The following LRRC41 variants were observed in gnomAD, a reference collection of about 807,000 sequenced individuals.
LRRC41 encodes the protein leucine rich repeat containing 41.
A neutral mutation model predicts 72.1 loss-of-function variants in LRRC41; 17 were observed. That is an observed-to-expected ratio of 0.24 (90% CI 0.16 to 0.35). The LOEUF (loss-of-function observed/expected upper bound fraction) is 0.35, where lower values mean the gene tolerates loss of function less well. Ranked by LOEUF, LRRC41 falls within the 10% of genes least tolerant of loss-of-function variation. The pLI is 1.00. For missense variants in LRRC41, 759 were observed against 1,065.0 expected (o/e 0.71, Z 4.00); for synonymous variants, 427 against 431.0 (o/e 0.99, Z 0.11).
At position 46,297,993 on chromosome 1, in the gene LRRC41, G is replaced by A. The variant is rs369519463; in HGVS notation, c.286+291C>T. Among the ~76,000 whole-genome samples the A allele has an allele frequency of 1.1e-4, 17 of 152,128 alleles. 1 individual carries two copies. Among genetic ancestry groups the A allele is most frequent in the Admixed American group, 9.2e-4 (14 of 15,264 alleles). The stretch of plus-strand genomic sequence containing the variant: ...CTGTTAACAGATGTGTCTAATGAGG[G>A]GAGGAAGCTTGGTAAAATAGAGAAA... On this transcript the variant is annotated intron_variant, in intron 2 of 9. Coordinates refer to ENST00000617190, the MANE Select transcript of LRRC41 (RefSeq NM_006369.5).
At position 46,292,481 on chromosome 1, in the gene LRRC41, T is replaced by C. The variant is rs893033701; in HGVS notation, c.357+5082A>G. 5.3e-5 allele frequency among the ~76,000 whole-genome samples: 8 copies of C among 152,298 alleles called. No homozygotes were observed. In the East Asian group the frequency reaches 1.2e-3, roughly 22 times the overall value. Reference sequence around the variant, plus strand: ...ACAATTTCTGTTCCCTCCAATAGCATAGTAAAATGCAAATTTCGCCATGGC... The same window carrying C: ...ACAATTTCTGTTCCCTCCAATAGCACAGTAAAATGCAAATTTCGCCATGGC... On this transcript the variant is annotated intron_variant, in intron 3 of 9. Coordinates refer to ENST00000617190, the MANE Select transcript of LRRC41 (RefSeq NM_006369.5).
chr1:46,293,621 G>A (rs750852626), intron 3 of LRRC41, among the ~76,000 whole-genome samples: 10 of 152,138 alleles, frequency 6.6e-5, no homozygotes, highest in Non-Finnish European at 1.3e-4. Context: ...CCAGGCTGGA[G>A]TGCAATGGAG....
Position 46,285,635 on chromosome 1 carries a change from C to A in LRRC41, c.1222G>T (p.Ala408Ser). The A allele has an allele frequency of 6.2e-7, 1 of 1,614,182 alleles. No homozygotes were observed. Among genetic ancestry groups the A allele is most frequent in the Non-Finnish European group, 8.5e-7 (1 of 1,180,034 alleles). Residue 408 changes from alanine to serine, a missense_variant, in exon 4 of 10, where the codon GCA becomes TCA. Physicochemically the swap from Ala to Ser is moderately conservative, Grantham distance 99. Around this residue, in one of 4 missense-constraint regions of LRRC41, gnomAD observed 427 missense variants for 520.9 expected, o/e 0.82. Transcript: ENST00000617190. This position sits in a 1 kb window ranked among gnomAD's most constrained non-coding sequence, Gnocchi z 5.3. ...AAGTCATACAGGTCTTCAGACTCTG[C>A]ACCAGGCCCCTGACGGGTGCGAGCA... Reference protein sequence around the residue: ...KGARTRQGPGAESEDLYDFVF... With the variant: ...KGARTRQGPGSESEDLYDFVF...
Position 46,278,101 on chromosome 1 carries a change from G to T in LRRC41, c.*764C>A. The T allele has an allele frequency of 6.2e-7, 1 of 1,613,964 alleles. No homozygotes were observed. Among genetic ancestry groups the T allele is most frequent in the South Asian group, 1.1e-5 (1 of 91,020 alleles). ...CACTGCCGACGTTGTGTCAACAGCC[G>T]TCAGATCCGGCCACCCCCTGATGGT... On this transcript the variant is annotated 3_prime_UTR_variant, in exon 10 of 10. Coordinates refer to ENST00000617190, the MANE Select transcript of LRRC41 (RefSeq NM_006369.5).
intron 3 of LRRC41, among the ~76,000 whole-genome samples, chr1:46,287,437 C>T (rs1467313189): frequency 3.3e-5 from 5 of 152,116 alleles, no homozygotes; most frequent in Admixed American, 2.6e-4. Context: ...CACCACCAGC[C>T]CCTTATCACC....
In LRRC41 at chr1:46,286,310, G is replaced by T; in HGVS notation, c.547C>A (p.Pro183Thr). The change falls in exon 4 of 10, where the codon CCC becomes ACC. Residue 183 changes from proline (P) to threonine (T), a missense_variant. Physicochemically the swap from Pro to Thr is conservative, Grantham distance 38. Transcript: ENST00000617190. The surrounding 1 kb of genome is among the most constrained non-coding windows in gnomAD (Gnocchi z 5.5). ...LQGATELVAE[P>T]NRRVLETLAS... ...AGGGTCTCCAGAACCCTGCGGTTGG[G>T]CTCAGCCACCAGCTCGGTTGCACCC... 1 of 1,614,210 alleles carries T rather than the reference G, an allele frequency of 6.2e-7. No individual in the cohort carries two copies. Among genetic ancestry groups the T allele is most frequent in the African/African-American group, 1.3e-5 (1 of 75,052 alleles).
intron 3 of LRRC41, among the ~76,000 whole-genome samples, chr1:46,289,153 G>A (rs1348155366): frequency 5.9e-5 from 9 of 152,204 alleles, no homozygotes; most frequent in Non-Finnish European, 1.0e-4. Context: ...GACAATGGGA[G>A]ACAGAATATT....
chr1:46,277,630 T>C lies in LRRC41; in HGVS notation c.*1235A>G. 1 of 684,672 alleles carries C rather than the reference T, an allele frequency of 1.5e-6. No individual in the cohort carries two copies. The highest frequency in any genetic ancestry group is 2.5e-6 in the Non-Finnish European group (1 of 403,132). The allele number at this position is 684,672 out of a possible 1,614,324, so 42.4% of individuals were successfully genotyped here. A position where few individuals can be genotyped will look rare whatever the true frequency, so the allele number is the denominator to read the frequency against. On this transcript the variant is annotated 3_prime_UTR_variant, in exon 10 of 10. Coordinates refer to ENST00000617190, the MANE Select transcript of LRRC41 (RefSeq NM_006369.5). ...CTGGGTGGGCAGACTATTCATGTCA[T>C]GTTCTCAGGAGACAGACTGGGAAAA... is the stretch of plus-strand genomic sequence containing the variant.
In LRRC41 at chr1:46,303,477, G is replaced by T. The variant is rs1252844142; in HGVS notation, c.-155C>A. The T allele has an allele frequency of 5.0e-6, 4 of 803,900 alleles. No homozygotes were observed. Among genetic ancestry groups the T allele is most frequent in the Admixed American group, 3.0e-5 (1 of 33,662 alleles). The allele number at this position is 803,900 out of a possible 1,614,324, so 49.8% of individuals were successfully genotyped here. A position where few individuals can be genotyped will look rare whatever the true frequency, so the allele number is the denominator to read the frequency against. On this transcript the variant is annotated 5_prime_UTR_variant, in exon 1 of 10. Transcript: ENST00000617190. The stretch of plus-strand genomic sequence containing the variant: ...AGCACACTTTCCAAGTCTCTTAGGA[G>T]CTACTATTTTAGATAAACTCCTAGA...
chr1:46,288,262 G>A (rs1660925583), intron 3 of LRRC41, among the ~76,000 whole-genome samples: 1 of 152,076 alleles, frequency 6.6e-6, no homozygotes, highest in African/African-American at 2.4e-5. Flanking sequence ...AATTTAAGAT[G>A]ATCCCTAAGT....
At chr1:46,280,312 T>G in intron 6 of LRRC41, 22 bp from the exon 7 acceptor site, 1 of 1,612,274 alleles carries the variant, frequency 6.2e-7, no homozygotes, top group South Asian at 1.1e-5. Context: ...GCAGAGACCA[T>G]GGACCATGGA....
chr1:46,283,285 T>C (rs936340670), intron 4 of LRRC41, among the ~76,000 whole-genome samples: 6 of 152,088 alleles, frequency 3.9e-5, no homozygotes, highest in Admixed American at 1.3e-4. Context: ...GTAGCTTGAA[T>C]TAAGGATGTG....
Position 46,302,966 on chromosome 1 carries a change from C to T in LRRC41, c.199+158G>A. 2.0e-6 allele frequency: 2 copies of T among 984,948 alleles called. No homozygotes were observed. Among genetic ancestry groups the T allele is most frequent in the South Asian group, 9.4e-5 (2 of 21,224 alleles). 61.0% of individuals were successfully genotyped at this position (984,948 alleles called of 1,614,324 possible). On this transcript the variant is annotated intron_variant, in intron 1 of 9. Coordinates refer to ENST00000617190, the MANE Select transcript of LRRC41 (RefSeq NM_006369.5). This position sits in a 1 kb window ranked among gnomAD's most constrained non-coding sequence, Gnocchi z 4.7. Reference sequence around the variant, plus strand: ...GTCTCCGTCTTTACTCTGTCCAGCCCTGTCAGTCACAAAATTCATTCTCCG... The same window carrying T: ...GTCTCCGTCTTTACTCTGTCCAGCCTTGTCAGTCACAAAATTCATTCTCCG...
Position 46,302,519 on chromosome 1 carries a change from G to C in LRRC41, c.199+605C>G. The C allele has an allele frequency of 5.1e-6, 5 of 985,392 alleles. No individual in the cohort carries two copies. Among genetic ancestry groups the C allele is most frequent in the Non-Finnish European group, 6.0e-6 (5 of 829,914 alleles). 61.0% of individuals were successfully genotyped at this position (985,392 alleles called of 1,614,324 possible). ...GCCCTGGGCCGTCAGACAGGCCGCG[G>C]CGCCCCGACCCTTTCGTTCGGCCTC... On this transcript the variant is annotated intron_variant, in intron 1 of 9. Transcript: ENST00000617190. This position sits in a 1 kb window ranked among gnomAD's most constrained non-coding sequence, Gnocchi z 4.7.
Position 46,302,286 on chromosome 1 carries a change from C to T in LRRC41, c.199+838G>A, listed in dbSNP as rs1259900013. On this transcript the variant is annotated intron_variant, in intron 1 of 9. Transcript: ENST00000617190. This position sits in a 1 kb window ranked among gnomAD's most constrained non-coding sequence, Gnocchi z 4.7. Reference sequence around the variant, plus strand: ...CGGGCCGTCGCCCCGCTTGGGGCCTCCTTGGCCCTTCCCGCCTGTCCGTCA... The same window carrying T: ...CGGGCCGTCGCCCCGCTTGGGGCCTTCTTGGCCCTTCCCGCCTGTCCGTCA... The T allele has an allele frequency of 1.0e-5, 10 of 985,372 alleles. No individual in the cohort carries two copies. In the East Asian group the frequency reaches 3.4e-4, roughly 34 times the overall value. 61.0% of individuals were successfully genotyped at this position (985,372 alleles called of 1,614,324 possible).
chr1:46,296,690 A>G (rs1490177623), intron 3 of LRRC41: 1 of 152,202 alleles, frequency 6.6e-6, no homozygotes, highest in African/African-American at 2.4e-5. Context: ...CCCTTTTACA[A>G]TGCTGAATCC....
chr1:46,296,312 G>A (rs1661125368), intron 3 of LRRC41, among the ~76,000 whole-genome samples: 1 of 152,180 alleles, frequency 6.6e-6, no homozygotes. Flanking sequence ...AGCTACTTGG[G>A]AGGCTGAGGC....
intron 4 of LRRC41, among the ~76,000 whole-genome samples, chr1:46,282,053 T>G (rs1660788495): frequency 1.3e-5 from 2 of 148,570 alleles, no homozygotes; most frequent in South Asian, 2.1e-4. Flanking sequence ...CACTCCGGCT[T>G]AGGTGAAAAA....
intron 5 of LRRC41, 135 bp downstream of exon 5, chr1:46,280,990 G>A (rs1047992140): frequency 3.2e-6 from 4 of 1,239,146 alleles, no homozygotes; most frequent in Admixed American, 2.3e-5. Context: ...AGGCTCTAAA[G>A]GGGGGATAGG....
Sources: gnomAD v4.1 joint callset for allele counts (sites outside exome capture counted in the v4.1 genomes callset) on GRCh38, gnomAD v4.1.1 for gene constraint, gnomAD v4.1.1 regional missense constraint, Gnocchi (gnomAD v3.1) non-coding constraint, MANE v1.5 for transcripts, NCBI Gene and HGNC (gene_info 2026-07-23, HGNC 2026-07-21) for gene names.